The following RUBCNL variants were observed in gnomAD, a reference collection of about 807,000 sequenced individuals.
RUBCNL encodes rubicon like autophagy enhancer.
In RUBCNL, 62 loss-of-function variants were observed where a neutral mutation model predicts 69.5. The observed-to-expected ratio is 0.89, with a 90% CI of 0.73 to 1.10. The LOEUF (loss-of-function observed/expected upper bound fraction) is 1.10, where lower values mean the gene tolerates loss of function less well. RUBCNL is among the 50% of genes least tolerant of loss of function. The pLI, the probability that RUBCNL is intolerant of heterozygous loss-of-function variation, is 0.00. For missense variants in RUBCNL, 768 were observed against 798.1 expected, an observed-to-expected ratio of 0.96 and a Z score of 0.45; for synonymous variants, 291 against 303.6, an observed-to-expected ratio of 0.96 and a Z score of 0.43.
rs550820338 is a variant in RUBCNL, at chr13:46,339,598, C to G, written c.*3787G>C. On this transcript the variant is annotated 3_prime_UTR_variant, in exon 15 of 15. Transcript: ENST00000429979. ...ACAGGGTCAGGCGCAGTGGCTCAGG[C>G]CTGTAATCCCAGCACTTTTGGAAGC... 6.6e-6 allele frequency among the ~76,000 whole-genome samples: 1 copy of G among 152,276 alleles called. No individual in the cohort carries two copies. The highest frequency in any genetic ancestry group is 1.9e-4 in the East Asian group (1 of 5,178).
In RUBCNL at chr13:46,372,049, G is replaced by GA; in HGVS notation, c.426dup (p.His143SerfsTer19). 1 of 1,614,028 alleles carries GA rather than the reference G, an allele frequency of 6.2e-7. No homozygotes were observed. Among genetic ancestry groups the GA allele is most frequent in the Non-Finnish European group, 8.5e-7 (1 of 1,179,900 alleles). The stretch of plus-strand genomic sequence containing the variant: ...GGGCTTGTGGGCAGAGACACCCGAT[G>GA]AGAGTATCCTGGGCGGACCATGTGT... On this transcript the variant is annotated frameshift_variant, in exon 3 of 15. Transcript: ENST00000429979. LOFTEE classifies it high-confidence loss of function.
At chr13:46,385,525 A>G (rs2049219299) in intron 1 of RUBCNL, among the ~76,000 whole-genome samples, 1 of 152,232 alleles carries the variant, frequency 6.6e-6, no homozygotes, top group African/African-American at 2.4e-5. Flanking sequence ...ATTAGAAATA[A>G]GAACGTAGAT....
Position 46,335,826 on chromosome 13 carries a change from G to A in RUBCNL, c.*7559C>T, listed in dbSNP as rs923938944. Among the ~76,000 whole-genome samples, 4 of 152,140 alleles carry A rather than the reference G, an allele frequency of 2.6e-5. No individual in the cohort carries two copies. Among genetic ancestry groups the A allele is most frequent in the Non-Finnish European group, 5.9e-5 (4 of 68,016 alleles). The stretch of plus-strand genomic sequence containing the variant: ...CTATGGTGGTGCCATTTTCTGAGAT[G>A]GAAAAGCCTGTAAAGAAATACTAAT... On this transcript the variant is annotated 3_prime_UTR_variant, in exon 15 of 15. Transcript: ENST00000429979.
chr13:46,368,548 C>G, intron 4 of RUBCNL, 185 bp downstream of exon 4: 1 of 964,212 alleles, frequency 1.0e-6, no homozygotes, highest in African/African-American at 1.8e-5. Context: ...AACTTTCCAG[C>G]TGAGCACAGG....
rs1222428636 is a variant in RUBCNL, at chr13:46,337,484, T to C, written c.*5901A>G. On this transcript the variant is annotated 3_prime_UTR_variant, in exon 15 of 15. Transcript: ENST00000429979. ...CTCTCTCCTTTCTACCATGTAAGGA[T>C]ACAGTGAGATAGTGCCATCTATGAA... Among the ~76,000 whole-genome samples the C allele has an allele frequency of 6.6e-6, 1 of 152,182 alleles. No individual in the cohort carries two copies. Among genetic ancestry groups the C allele is most frequent in the African/African-American group, 2.4e-5 (1 of 41,444 alleles).
At chr13:46,345,349 TCC>T in intron 13 of RUBCNL, 96 bp downstream of exon 13, 4 of 1,401,394 alleles carry the variant, frequency 2.9e-6, no homozygotes, top group Non-Finnish European at 3.8e-6. Flanking sequence ...CACCGGCACT[TCC>T]CTCAGGGTTT....
In RUBCNL at chr13:46,349,341, G is replaced by C. The variant is rs760022947; in HGVS notation, c.1576C>G (p.Gln526Glu). The change falls in exon 12 of 15, where the codon CAG (glutamine) becomes GAG (glutamate). Residue 526 changes from glutamine (Q) to glutamate (E), a missense_variant. Gln to Glu is a conservative substitution (Grantham distance 29, BLOSUM62 2). Coordinates refer to ENST00000429979, the MANE Select transcript of RUBCNL (RefSeq NM_025113.5). ...TTCTTGATATGGAAGAGCTGCTCCT[G>C]AATTTCCTAATGGGAGAAACCAAAC... ...AKELDRVKEI[Q>E]EQLFHIKKLL... The C allele has an allele frequency of 5.6e-6, 9 of 1,613,660 alleles. No homozygotes were observed. The East Asian group carries it at 2.0e-4, about 36-fold the overall frequency.
chr13:46,384,376 A>G (rs767412691), intron 1 of RUBCNL, among the ~76,000 whole-genome samples: 5 of 152,170 alleles, frequency 3.3e-5, no homozygotes, highest in Non-Finnish European at 7.3e-5. Context: ...AGAACGTAAA[A>G]AAGTATAAGA....
At chr13:46,355,116 G>T (rs1358975921) in intron 10 of RUBCNL, among the ~76,000 whole-genome samples, 1 of 152,124 alleles carries the variant, frequency 6.6e-6, no homozygotes, top group Non-Finnish European at 1.5e-5. Flanking sequence ...TCTTGAAGTA[G>T]GAGCTCCTCA....
chr13:46,358,187 A>G (rs2048532489), intron 9 of RUBCNL, among the ~76,000 whole-genome samples: 1 of 152,180 alleles, frequency 6.6e-6, no homozygotes. Context: ...CTTTCTTGGC[A>G]TTCTCTCAAA....
chr13:46,367,305 G>A (rs1419839819), intron 5 of RUBCNL, among the ~76,000 whole-genome samples: 1 of 152,144 alleles, frequency 6.6e-6, no homozygotes, highest in African/African-American at 2.4e-5. Flanking sequence ...CCTGCATACT[G>A]TTGATGTTCA....
chr13:46,359,563 A>C lies in RUBCNL; in HGVS notation c.1188T>G (p.Phe396Leu), dbSNP rs2048565764. The change falls in exon 9 of 15, where the codon TTT (phenylalanine) becomes TTG (leucine). Residue 396 changes from phenylalanine (F) to leucine (L), a missense_variant. Physicochemically the swap from Phe to Leu is conservative, Grantham distance 22. Coordinates refer to ENST00000429979, the MANE Select transcript of RUBCNL (RefSeq NM_025113.5). ...SSMNVVQEIK[F>L]KSRIRGTEDW... is the part of the protein sequence containing the mutation. ...CTTCAGTCCCTCTGATCCTAGACTT[A>C]AATTTAATTTCCTGTACTACATTCA... 2 of 1,592,264 alleles carry C rather than the reference A, an allele frequency of 1.3e-6. No individual in the cohort carries two copies. The highest frequency in any genetic ancestry group is 2.7e-5 in the African/African-American group (2 of 74,650).
At chr13:46,351,921 T>C (rs1055865781) in intron 10 of RUBCNL, among the ~76,000 whole-genome samples, 1 of 147,958 alleles carries the variant, frequency 6.8e-6, no homozygotes, top group Non-Finnish European at 1.5e-5. Context: ...CTCTCCCTCC[T>C]GGGTTCAAGT....
Position 46,343,488 on chromosome 13 carries a change from G to A in RUBCNL, c.1886C>T (p.Ala629Val). 1 of 1,613,458 alleles carries A rather than the reference G, an allele frequency of 6.2e-7. No individual in the cohort carries two copies. Among genetic ancestry groups the A allele is most frequent in the Non-Finnish European group, 8.5e-7 (1 of 1,179,508 alleles). ...ATCRRCSACR[A>V]CFHKQCFQSS... ...CTGGAAGCACTGTTTGTGAAAGCAA[G>A]CCCTGCACGCTGCAAGCAAGGAAGA... The change falls in exon 15 of 15, where the codon GCT becomes GTT. Residue 629 changes from alanine (A) to valine (V), a missense_variant. Coordinates refer to ENST00000429979, the MANE Select transcript of RUBCNL (RefSeq NM_025113.5).
intron 1 of RUBCNL, among the ~76,000 whole-genome samples, chr13:46,381,309 C>G (rs185256101): frequency 6.5e-4 from 99 of 152,168 alleles, no homozygotes; most frequent in Non-Finnish European, 1.0e-3. Flanking sequence ...AATTTATGCT[C>G]TGACATGGAT....
rs1401757480 is a variant in RUBCNL at position 46,372,550 on chromosome 13, T to G, written c.-75A>C. On this transcript the variant is annotated 5_prime_UTR_variant, in exon 3 of 15. Transcript: ENST00000429979. ...CCCTGATTGCTGGTACTACTTGATT[T>G]GGGCCCTGAACTCACCACATGGCCA... The G allele has an allele frequency of 9.9e-6, 15 of 1,510,740 alleles. No individual in the cohort carries two copies. The African/African-American group carries it at 1.4e-4, about 14-fold the overall frequency. The allele number at this position is 1,510,740 out of a possible 1,614,324, so 93.6% of individuals were successfully genotyped here. A position where few individuals can be genotyped will look rare whatever the true frequency, so the allele number is the denominator to read the frequency against.
chr13:46,383,377 T>C (rs1407415163), intron 1 of RUBCNL, among the ~76,000 whole-genome samples: 1 of 152,160 alleles, frequency 6.6e-6, no homozygotes, highest in Non-Finnish European at 1.5e-5. Context: ...CAAAACCACA[T>C]CTCTACAGAT....
chr13:46,359,492 G>T lies in RUBCNL; in HGVS notation c.1259C>A (p.Pro420Gln), dbSNP rs2048564062. The T allele has an allele frequency of 1.2e-6, 2 of 1,603,346 alleles. No homozygotes were observed. The highest frequency in any genetic ancestry group is 1.7e-6 in the Non-Finnish European group (2 of 1,174,876). ...RFQIIFNIHP[P>Q]LKRDLVVAAQ... ...AGCAACAGCCCATACTTACTTGAGT[G>T]GTGGATGAATATTAAATATGATTTG... The change falls in exon 9 of 15, where the codon CCA becomes CAA. Residue 420 changes from proline to glutamine, a missense_variant. Coordinates refer to ENST00000429979, the MANE Select transcript of RUBCNL (RefSeq NM_025113.5).
At chr13:46,368,347 T>TTAA in intron 4 of RUBCNL, 98 bp from the exon 5 acceptor site, 28 of 1,427,010 alleles carry the variant, frequency 2.0e-5, no homozygotes, top group Non-Finnish European at 2.5e-5. Flanking sequence ...TTAAGTGGAA[T>TTAA]TAATGCATAT....
Sources: allele counts gnomAD v4.1 joint callset (sites outside exome capture counted in the v4.1 genomes callset), GRCh38; gene constraint gnomAD v4.1.1; transcripts MANE v1.5; gene names NCBI Gene and HGNC (gene_info 2026-07-23, HGNC 2026-07-21).